The following CNTN5 variants were observed in gnomAD, a reference collection of about 807,000 sequenced individuals.
The protein encoded by CNTN5 is contactin-5.
A neutral mutation model predicts 129.1 loss-of-function variants in CNTN5; 77 were observed. That is an observed-to-expected ratio of 0.60 (90% CI 0.50 to 0.72). The LOEUF (loss-of-function observed/expected upper bound fraction) is 0.72, where lower values mean the gene tolerates loss of function less well. CNTN5 is among the 30% of genes least tolerant of loss of function. CNTN5 has a pLI of 0.00. For synonymous variants in CNTN5, 509 were observed against 465.6 expected, an observed-to-expected ratio of 1.09 and a Z score of -1.20; for missense variants, 1,478 against 1,328.8, an observed-to-expected ratio of 1.11 and a Z score of -1.75.
intron 6 of CNTN5, among the ~76,000 whole-genome samples, chr11:99,894,627 T>C (rs1949157338): frequency 6.6e-6 from 1 of 150,770 alleles, no homozygotes; most frequent in Non-Finnish European, 1.5e-5. Context: ...GATCAATAAA[T>C]TTTGAGAACT....
At chr11:99,929,955 A>C (rs749237728) in intron 7 of CNTN5, among the ~76,000 whole-genome samples, 6 of 152,200 alleles carry the variant, frequency 3.9e-5, no homozygotes, top group Non-Finnish European at 8.8e-5. Context: ...GAAGGACCCA[A>C]GTTGGAAACT....
chr11:99,790,947 A>T (rs1945720196), intron 3 of CNTN5, among the ~76,000 whole-genome samples: 1 of 152,062 alleles, frequency 6.6e-6, no homozygotes, highest in South Asian at 2.1e-4. Flanking sequence ...TTGGCCACAT[A>T]TATGTCTTCT....
At chr11:100,123,024 T>C (rs950998453) in intron 13 of CNTN5, among the ~76,000 whole-genome samples, 1 of 147,368 alleles carries the variant, frequency 6.8e-6, no homozygotes, top group African/African-American at 2.5e-5. Flanking sequence ...GTGAAGTACA[T>C]TAATCAGAAC....
chr11:99,402,218 C>T (rs1296536835), intron 2 of CNTN5, among the ~76,000 whole-genome samples: 2 of 152,086 alleles, frequency 1.3e-5, no homozygotes, highest in Non-Finnish European at 1.5e-5. Context: ...TCCTATGTGG[C>T]TTTTATTATG....
At chr11:99,416,492 A>G (rs2135033774) in intron 2 of CNTN5, among the ~76,000 whole-genome samples, 1 of 152,084 alleles carries the variant, frequency 6.6e-6, no homozygotes, top group Non-Finnish European at 1.5e-5. Flanking sequence ...TCAGTATGTT[A>G]CCCAGGCTGG....
At chr11:99,430,875 G>A (rs1053909296) in intron 2 of CNTN5, among the ~76,000 whole-genome samples, 1 of 152,046 alleles carries the variant, frequency 6.6e-6, no homozygotes, top group Non-Finnish European at 1.5e-5. Flanking sequence ...ACGGTGTGAG[G>A]TGGCTGTCAT....
intron 13 of CNTN5, among the ~76,000 whole-genome samples, chr11:100,105,513 C>T (rs1945394073): frequency 6.6e-6 from 1 of 152,160 alleles, no homozygotes; most frequent in South Asian, 2.1e-4. Context: ...TATGCATCTC[C>T]TCAAGTAGTC....
At chr11:99,115,544 C>T (rs1016834807) in intron 1 of CNTN5, among the ~76,000 whole-genome samples, 9 of 152,160 alleles carry the variant, frequency 5.9e-5, no homozygotes, top group African/African-American at 1.9e-4. Context: ...CGGATCACCT[C>T]AGGAGAGGAG....
intron 1 of CNTN5, among the ~76,000 whole-genome samples, chr11:99,203,724 A>T (rs192885051): frequency 1.3e-5 from 2 of 152,144 alleles, no homozygotes; most frequent in Admixed American, 1.3e-4. Context: ...AGGCCTCCCG[A>T]GTAGCTGGGA....
chr11:99,171,445 C>T (rs1861144602), intron 1 of CNTN5, among the ~76,000 whole-genome samples: 1 of 152,166 alleles, frequency 6.6e-6, no homozygotes, highest in Non-Finnish European at 1.5e-5. Context: ...CCTCCTTATT[C>T]CTTGGTTACC....
intron 9 of CNTN5, among the ~76,000 whole-genome samples, chr11:100,049,332 T>C (rs955665017): frequency 2.6e-4 from 39 of 152,110 alleles, no homozygotes; most frequent in African/African-American, 8.9e-4. Flanking sequence ...GTCAGATTCA[T>C]ATCGCAAACT....
At chr11:100,172,021 AG>A (rs1285151296) in intron 13 of CNTN5, among the ~76,000 whole-genome samples, 4 of 152,096 alleles carry the variant, frequency 2.6e-5, no homozygotes. Context: ...CACATACTGT[AG>A]TACCATATGT....
intron 7 of CNTN5, among the ~76,000 whole-genome samples, chr11:99,919,458 T>A (rs1413943141): frequency 6.6e-6 from 1 of 152,156 alleles, no homozygotes; most frequent in Non-Finnish European, 1.5e-5. Flanking sequence ...ACTACATGAT[T>A]TTTGGTTTCC....
At chr11:99,424,752 GC>G (rs1351020655) in intron 2 of CNTN5, among the ~76,000 whole-genome samples, 1 of 152,204 alleles carries the variant, frequency 6.6e-6, no homozygotes, top group Non-Finnish European at 1.5e-5. Flanking sequence ...TATTTTCATC[GC>G]CCACAACATG....
intron 1 of CNTN5, among the ~76,000 whole-genome samples, chr11:99,151,005 A>G (rs192827568): frequency 5.1e-4 from 78 of 152,268 alleles, no homozygotes; most frequent in Non-Finnish European, 7.5e-4. Flanking sequence ...TGAAGCTTAT[A>G]TTACAAGTAT....
intron 13 of CNTN5, among the ~76,000 whole-genome samples, chr11:100,128,188 C>T (rs1946258007): frequency 6.6e-6 from 1 of 152,088 alleles, no homozygotes; most frequent in Admixed American, 6.6e-5. Flanking sequence ...TTTACGTACC[C>T]AAACCTGAAC....
chr11:99,195,822 A>G (rs1424093294), intron 1 of CNTN5, among the ~76,000 whole-genome samples: 1 of 152,024 alleles, frequency 6.6e-6, no homozygotes, highest in Non-Finnish European at 1.5e-5. Context: ...GTTAGTAAGT[A>G]TGTCTATTTT....
intron 17 of CNTN5, among the ~76,000 whole-genome samples, chr11:100,259,677 A>T (rs1270289921): frequency 6.6e-6 from 1 of 152,172 alleles, no homozygotes; most frequent in African/African-American, 2.4e-5. Context: ...AAACTGAAAA[A>T]CCTGCTCCTG....
At chr11:99,851,358 T>G (rs1947868152) in intron 6 of CNTN5, among the ~76,000 whole-genome samples, 1 of 152,180 alleles carries the variant, frequency 6.6e-6, no homozygotes, top group Non-Finnish European at 1.5e-5. Flanking sequence ...ATCAATGAGA[T>G]TATTTTTGAC....
Sources: gnomAD v4.1 joint callset for allele counts (sites outside exome capture counted in the v4.1 genomes callset) on GRCh38, gnomAD v4.1.1 for gene constraint, MANE v1.5 for transcripts, NCBI Gene and HGNC (gene_info 2026-07-23, HGNC 2026-07-21) for gene names.